Variants in ITSN2 observed in about 807,000 individuals in gnomAD.
ITSN2 encodes intersectin-2.
Under a neutral mutation model 243.7 loss-of-function variants are expected in ITSN2, and 156 were observed. The ratio of observed to expected loss-of-function variants is 0.64; its 90% CI spans 0.56 to 0.73. The LOEUF (loss-of-function observed/expected upper bound fraction) is 0.73, where lower values mean the gene tolerates loss of function less well. Among genes scored for constraint, ITSN2 ranks in the 30% least tolerant of loss-of-function variants. The pLI, the probability that ITSN2 is intolerant of heterozygous loss-of-function variation, is 0.00. For synonymous variants in ITSN2, 703 were observed against 699.9 expected, an observed-to-expected ratio of 1.00 and a Z score of -0.07; for missense variants, 1,801 against 1,996.1, an observed-to-expected ratio of 0.90 and a Z score of 1.86.
intron 4 of ITSN2, 110 bp downstream of exon 4, chr2:24,313,350 A>G (rs1426039938): frequency 1.2e-6 from 1 of 829,392 alleles, no homozygotes; most frequent in East Asian, 2.8e-5. Flanking sequence ...GCTGGCAGAA[A>G]TATTCTTAAT....
chr2:24,322,833 AG>A (rs1044652846), intron 2 of ITSN2, among the ~76,000 whole-genome samples: 3 of 152,166 alleles, frequency 2.0e-5, no homozygotes, highest in Admixed American at 2.0e-4. Context: ...CAATAAATAT[AG>A]GTCAGCATAT....
intron 29 of ITSN2, chr2:24,240,361 A>T (rs1226205295): frequency 2.0e-5 from 3 of 152,240 alleles, no homozygotes; most frequent in Non-Finnish European, 4.4e-5. Context: ...CTATCTGTAA[A>T]ATGAAATTAT....
chr2:24,302,132 A>AATGT, intron 9 of ITSN2, 30 bp from the exon 10 acceptor site: 1 of 1,550,242 alleles, frequency 6.5e-7, no homozygotes. Context: ...TCACAACTTA[A>AATGT]TAAAGTCTAT....
intron 17 of ITSN2, among the ~76,000 whole-genome samples, chr2:24,277,636 A>G (rs573350887): frequency 9.2e-5 from 14 of 152,334 alleles, no homozygotes; most frequent in African/African-American, 3.4e-4. Flanking sequence ...AATAAGACTA[A>G]CAAGGCTTGA....
At position 24,218,013 on chromosome 2, in the gene ITSN2, C is replaced by G. The variant is rs181698923; in HGVS notation, c.3700G>C (p.Val1234Leu). 9 of 1,611,698 alleles carry G rather than the reference C, an allele frequency of 5.6e-6. No homozygotes were observed. The East Asian group carries it at 2.0e-4, about 36-fold the overall frequency. The change falls in exon 31 of 40, where the codon GTT becomes CTT. Residue 1234 changes from valine (V) to leucine (L), a missense_variant and splice_region_variant. By Grantham distance (32) the Val-to-Leu change is conservative. Around this residue, in one of 5 missense-constraint regions of ITSN2, gnomAD observed 928 missense variants for 1,065.4 expected, o/e 0.87. Transcript: ENST00000355123. ...YMADLQLVVE[V>L]FQKRMAESGF... Reference sequence around the variant, plus strand: ...GACTCTGCCATGCGTTTCTGAAAAACCTAAAGTCAAAACATAGAAAAACTA... The same window carrying G: ...GACTCTGCCATGCGTTTCTGAAAAAGCTAAAGTCAAAACATAGAAAAACTA...
At chr2:24,245,957 G>A (rs1673310846) in intron 29 of ITSN2, among the ~76,000 whole-genome samples, 172 bp downstream of exon 29, 1 of 152,212 alleles carries the variant, frequency 6.6e-6, no homozygotes, top group African/African-American at 2.4e-5. Flanking sequence ...AAATAAAGCT[G>A]TATAACTTCT....
chr2:24,212,817 G>A (rs960932018), intron 32 of ITSN2, 69 bp from the exon 33 acceptor site: 11 of 1,211,974 alleles, frequency 9.1e-6, no homozygotes, highest in Middle Eastern at 1.9e-4. Flanking sequence ...GTCTTTGATC[G>A]CCTTTTAGAT....
chr2:24,266,314 C>T (rs1311754087), intron 20 of ITSN2, among the ~76,000 whole-genome samples: 1 of 152,102 alleles, frequency 6.6e-6, no homozygotes, highest in Non-Finnish European at 1.5e-5. Context: ...CACATGGTTA[C>T]AAACTCAACA....
chr2:24,293,941 C>G (rs936796296), intron 14 of ITSN2, among the ~76,000 whole-genome samples, 166 bp from the exon 15 acceptor site: 18 of 152,014 alleles, frequency 1.2e-4, no homozygotes, highest in Non-Finnish European at 2.5e-4. Context: ...TGGAATTATG[C>G]CAAGAAATAT....
At chr2:24,335,292 A>T (rs983315423) in intron 1 of ITSN2, 2 of 154,274 alleles carry the variant, frequency 1.3e-5, no homozygotes, top group African/African-American at 4.8e-5. Flanking sequence ...ATCACAAGTT[A>T]GTAGCAAAGG....
chr2:24,326,560 T>C (rs1423255762), intron 2 of ITSN2: 2 of 167,790 alleles, frequency 1.2e-5, no homozygotes, highest in Non-Finnish European at 2.9e-5. Context: ...TAAACTTACA[T>C]GTATCACTCA....
intron 30 of ITSN2, among the ~76,000 whole-genome samples, chr2:24,219,319 G>A (rs1438600178): frequency 6.6e-6 from 1 of 152,204 alleles, no homozygotes; most frequent in Non-Finnish European, 1.5e-5. Flanking sequence ...ACAGAGTTGA[G>A]TTGAACATGG....
intron 1 of ITSN2, 62 bp downstream of exon 1, chr2:24,360,242 G>C (rs1452449046): frequency 6.6e-6 from 1 of 152,384 alleles, no homozygotes; most frequent in East Asian, 1.9e-4. Flanking sequence ...CCTCCGGGCA[G>C]CGGGCGCGGC....
intron 25 of ITSN2, among the ~76,000 whole-genome samples, chr2:24,251,761 T>C (rs1674331157): frequency 1.3e-5 from 2 of 151,520 alleles, no homozygotes; most frequent in Non-Finnish European, 2.9e-5. Flanking sequence ...TGGATTTAAT[T>C]ATTGTTATTT....
chr2:24,260,945 T>C (rs1351339093), intron 22 of ITSN2, among the ~76,000 whole-genome samples, 161 bp downstream of exon 22: 3 of 148,782 alleles, frequency 2.0e-5, no homozygotes, highest in East Asian at 1.9e-4. Flanking sequence ...CTCTAAGTAA[T>C]AGTCATTTCT....
intron 29 of ITSN2, among the ~76,000 whole-genome samples, chr2:24,223,960 T>C (rs974044319): frequency 1.3e-5 from 2 of 152,160 alleles, no homozygotes; most frequent in African/African-American, 2.4e-5. Flanking sequence ...TTTAGGGAGA[T>C]AGTATTTTAT....
At chr2:24,320,641 G>C (rs919333637) in intron 2 of ITSN2, among the ~76,000 whole-genome samples, 8 of 151,156 alleles carry the variant, frequency 5.3e-5, no homozygotes, top group African/African-American at 1.9e-4. Context: ...CTTGAGCCCA[G>C]GAGATCAAGG....
In ITSN2 at chr2:24,300,025, C is replaced by T; in HGVS notation, c.1228G>A (p.Glu410Lys). 1.2e-6 allele frequency: 2 copies of T among 1,614,110 alleles called. No individual in the cohort carries two copies. The highest frequency in any genetic ancestry group is 1.7e-6 in the Non-Finnish European group (2 of 1,180,024). The change falls in exon 12 of 40, where the codon GAA becomes AAA. Residue 410 changes from glutamate to lysine, a missense_variant. Glu to Lys is a moderately conservative substitution (Grantham distance 56). This residue lies in a region of ITSN2 where 787 missense variants were observed against 803.9 expected (regional missense o/e 0.98). Transcript: ENST00000355123. Reference protein sequence around the residue: ...EKEEWERKQRELQEQEWKKQL... With the variant: ...EKEEWERKQRKLQEQEWKKQL... ...TTCTTCCATTCTTGTTCTTGTAATT[C>T]TCTCTGTTTTCGTTCCCACTCTTCC... is the stretch of plus-strand genomic sequence containing the variant.
At chr2:24,212,990 G>C (rs764312380) in intron 32 of ITSN2, among the ~76,000 whole-genome samples, 1 of 152,040 alleles carries the variant, frequency 6.6e-6, no homozygotes, top group South Asian at 2.1e-4. Context: ...GTAAAGTGAG[G>C]GGGCTTCGAC....
Sources: allele counts gnomAD v4.1 joint callset (sites outside exome capture counted in the v4.1 genomes callset), GRCh38; gene constraint gnomAD v4.1.1; regional missense constraint gnomAD v4.1.1; transcripts MANE v1.5; gene names NCBI Gene and HGNC (gene_info 2026-07-23, HGNC 2026-07-21).